The following KLRG2 variants were observed in gnomAD, a reference collection of about 807,000 sequenced individuals.
KLRG2 encodes the protein killer cell lectin like receptor G2.
In KLRG2, 39 loss-of-function variants were observed where a neutral mutation model predicts 35.4. The ratio of observed to expected loss-of-function variants is 1.10; its 90% CI spans 0.85 to 1.44. The LOEUF is 1.44. KLRG2 is among the 40% of genes most tolerant of loss of function. The pLI is 0.00. For missense variants in KLRG2, 632 were observed against 570.9 expected (o/e 1.11, Z -1.09); for synonymous variants, 283 against 265.8 (o/e 1.06, Z -0.63).
Position 139,481,279 on chromosome 7 carries a change from G to A in KLRG2, c.758-1032C>T, listed in dbSNP as rs561536619. On this transcript the variant is annotated intron_variant, in intron 1 of 4. Coordinates refer to ENST00000340940, the MANE Select transcript of KLRG2 (RefSeq NM_198508.4). ...CGGCATTATAGACTTCTGACTTAAC[G>A]GAACTGTAAGATAATACATTTGTGT... Among the ~76,000 whole-genome samples the A allele has an allele frequency of 5.3e-5, 8 of 152,290 alleles. No individual in the cohort carries two copies. In the South Asian group the frequency reaches 6.2e-4, roughly 12 times the overall value.
chr7:139,455,031 T>G (rs1466445717), intron 3 of KLRG2, among the ~76,000 whole-genome samples: 1 of 151,578 alleles, frequency 6.6e-6, no homozygotes, highest in Non-Finnish European at 1.5e-5. Flanking sequence ...AGATTTTTTT[T>G]TTTTTGAGAT....
At chr7:139,467,206 C>T (rs909317962) in intron 3 of KLRG2, among the ~76,000 whole-genome samples, 6 of 152,128 alleles carry the variant, frequency 3.9e-5, no homozygotes, top group African/African-American at 1.4e-4. Flanking sequence ...ATTATCTCTC[C>T]ATATCACCCC....
chr7:139,483,166 AG>A lies in KLRG2; in HGVS notation c.476del (p.Pro159LeufsTer91). On this transcript the variant is annotated frameshift_variant, in exon 1 of 5. Transcript: ENST00000340940. LOFTEE classifies it high-confidence loss of function. ...RFLKVPVPESPAFSRHADPAH... is the reference protein window; with the variant it reads ...RFLKVPVPESXAFSRHADPAH... ...CCGGGTCCGCGTGGCGGGAGAAGGC[AG>A]GGGACTCGGGCACCGGCACCTTGAG... 1 of 1,500,994 alleles carries A rather than the reference AG, an allele frequency of 6.7e-7. No individual in the cohort carries two copies. The allele number at this position is 1,500,994 out of a possible 1,614,324, so 93.0% of individuals were successfully genotyped here. A position where few individuals can be genotyped will look rare whatever the true frequency, so the allele number is the denominator to read the frequency against.
intron 3 of KLRG2, among the ~76,000 whole-genome samples, chr7:139,468,156 C>A (rs979258998): frequency 6.6e-6 from 1 of 152,120 alleles, no homozygotes; most frequent in Non-Finnish European, 1.5e-5. Context: ...TATCCTATGA[C>A]CCTGCCACAT....
In KLRG2 at chr7:139,477,866, C is replaced by A. The variant is rs550836441; in HGVS notation, c.1005+1761G>T. Among the ~76,000 whole-genome samples the A allele has an allele frequency of 8.5e-5, 13 of 152,136 alleles. No individual in the cohort carries two copies. The East Asian group carries it at 2.5e-3, about 29-fold the overall frequency. On this transcript the variant is annotated intron_variant, in intron 3 of 4. Coordinates refer to ENST00000340940, the MANE Select transcript of KLRG2 (RefSeq NM_198508.4). ...CTCCGCCTCCCAGGTTCATGCCATTCTCCTGCCTCAGCCTCTGGAGTAGCT... is the reference window on the plus strand; with the variant it reads ...CTCCGCCTCCCAGGTTCATGCCATTATCCTGCCTCAGCCTCTGGAGTAGCT...
At chr7:139,436,760 AC>A in the KLRG2 span, among the ~76,000 whole-genome samples, 1 of 152,250 alleles carries the variant, frequency 6.6e-6, no homozygotes, top group South Asian at 2.1e-4. Context: ...TAAAAGCCAA[AC>A]TAACCCACTA....
Position 139,454,130 on chromosome 7 carries a change from C to T in KLRG2, c.1090G>A (p.Ala364Thr), listed in dbSNP as rs116776913. 1.5e-3 allele frequency: 2,266 copies of T among 1,542,528 alleles called. 40 individuals carry two copies. The African/African-American group carries it at 0.026, about 18-fold the overall frequency. The change falls in exon 4 of 5, where the codon GCC (alanine) becomes ACC (threonine). Residue 364 changes from alanine (A) to threonine (T), a missense_variant. Coordinates refer to ENST00000340940, the MANE Select transcript of KLRG2 (RefSeq NM_198508.4). The part of the protein sequence containing the change: ...GPQGWHWIDE[A>T]PLPPQLLPED... ...ACTCACAGCTGGGGCGGGAGTGGGG[C>T]CTCGTCGATCCAGTGCCAGCCCTGG...
intron 3 of KLRG2, among the ~76,000 whole-genome samples, chr7:139,477,591 A>AC (rs1796873049): frequency 6.6e-6 from 1 of 152,132 alleles, no homozygotes. Context: ...GGCGGGGGAA[A>AC]TGGGGAATCA....
At chr7:139,446,529 C>T in the KLRG2 span, among the ~76,000 whole-genome samples, 6 of 151,182 alleles carry the variant, frequency 4.0e-5, no homozygotes, top group South Asian at 2.1e-4. Context: ...TTTTGTATTA[C>T]GGAGTTTTGC....
At chr7:139,446,801 T>A in the KLRG2 span, among the ~76,000 whole-genome samples, 4 of 151,922 alleles carry the variant, frequency 2.6e-5, no homozygotes, top group Admixed American at 6.6e-5. Context: ...TCCAACCTCC[T>A]CCTCCTTCAC....
chr7:139,451,967 T>C (rs905626931), downstream of KLRG2, among the ~76,000 whole-genome samples: 5 of 64,098 alleles, frequency 7.8e-5, no homozygotes, highest in African/African-American at 5.8e-4. Flanking sequence ...TTCCATGTCC[T>C]TTTTTTTTTT....
chr7:139,455,172 C>T (rs1796449296), intron 3 of KLRG2, among the ~76,000 whole-genome samples: 1 of 151,816 alleles, frequency 6.6e-6, no homozygotes, highest in African/African-American at 2.4e-5. Flanking sequence ...GCATGCACCA[C>T]CACACCCAGG....
the KLRG2 span, among the ~76,000 whole-genome samples, chr7:139,432,558 A>ACCCCTC: frequency 8.3e-6 from 1 of 120,856 alleles, no homozygotes; most frequent in African/African-American, 3.5e-5. Context: ...CCCCCCCCCA[A>ACCCCTC]TATTTTTTTT....
At chr7:139,465,519 C>T (rs56121422) in intron 3 of KLRG2, among the ~76,000 whole-genome samples, 7,069 of 151,970 alleles carry the variant, frequency 0.047, 502 homozygotes, top group African/African-American at 0.15. Flanking sequence ...GGTGAAACCC[C>T]GTCTCTACTA....
At chr7:139,440,059 G>A in the KLRG2 span, among the ~76,000 whole-genome samples, 1 of 151,920 alleles carries the variant, frequency 6.6e-6, no homozygotes, top group African/African-American at 2.4e-5. Context: ...TCTTCTCCCT[G>A]TGTCTTTTTT....
At chr7:139,439,128 C>T in the KLRG2 span, among the ~76,000 whole-genome samples, 4 of 152,140 alleles carry the variant, frequency 2.6e-5, no homozygotes, top group African/African-American at 9.7e-5. Flanking sequence ...AATTCATAAC[C>T]ACCCCAGACT....
At chr7:139,470,291 C>T (rs1039135089) in intron 3 of KLRG2, among the ~76,000 whole-genome samples, 4 of 152,078 alleles carry the variant, frequency 2.6e-5, no homozygotes, top group African/African-American at 9.7e-5. Context: ...ATCTCCTGAC[C>T]TCGTGATCTG....
chr7:139,433,280 CT>C, the KLRG2 span, among the ~76,000 whole-genome samples: 499 of 151,812 alleles, frequency 3.3e-3, 1 homozygote, highest in Non-Finnish European at 5.3e-3. Context: ...AATCCTGCAC[CT>C]GGGAGGAGTC....
At chr7:139,465,291 C>T (rs1327535949) in intron 3 of KLRG2, among the ~76,000 whole-genome samples, 3 of 152,208 alleles carry the variant, frequency 2.0e-5, no homozygotes, top group Non-Finnish European at 4.4e-5. Flanking sequence ...ATATCCTGCA[C>T]CACCATGCTG....
Sources: gnomAD v4.1 joint callset for allele counts (sites outside exome capture counted in the v4.1 genomes callset) on GRCh38, gnomAD v4.1.1 for gene constraint, MANE v1.5 for transcripts, NCBI Gene and HGNC (gene_info 2026-07-23, HGNC 2026-07-21) for gene names.